The following ACTN2 variants were observed in gnomAD, a reference collection of about 807,000 sequenced individuals.
ACTN2 encodes alpha-actinin-2.
ACTN2 carries 39 observed loss-of-function variants against 113.8 expected under a neutral mutation model. That is an observed-to-expected ratio of 0.34 (90% confidence interval 0.27 to 0.45). The LOEUF (loss-of-function observed/expected upper bound fraction) is 0.45. Among genes scored for constraint, ACTN2 ranks in the 20% least tolerant of loss-of-function variants. The pLI is 1.00. For missense variants in ACTN2, 992 were observed against 1,177.9 expected, an observed-to-expected ratio of 0.84 and a Z score of 2.31; for synonymous variants, 429 against 444.1, an observed-to-expected ratio of 0.97 and a Z score of 0.43.
chr1:236,715,594 A>C (rs1273345153), intron 1 of ACTN2, among the ~76,000 whole-genome samples: 1 of 152,084 alleles, frequency 6.6e-6, no homozygotes, highest in East Asian at 1.9e-4. Flanking sequence ...ATTTTATTTT[A>C]ATTAGTCTAA....
At chr1:236,744,379 A>T (rs1659161456) in intron 11 of ACTN2, among the ~76,000 whole-genome samples, 1 of 152,182 alleles carries the variant, frequency 6.6e-6, no homozygotes, top group African/African-American at 2.4e-5. Flanking sequence ...CTAAAAACGC[A>T]CTCAGCATGC....
chr1:236,731,118 G>A, intron 6 of ACTN2, 115 bp from the exon 7 acceptor site: 2 of 747,288 alleles, frequency 2.7e-6, no homozygotes, highest in Admixed American at 3.8e-5. Flanking sequence ...ACACTATTAT[G>A]ATTGTGTGTG....
chr1:236,693,605 C>T (rs2102860247), intron 1 of ACTN2, among the ~76,000 whole-genome samples: 1 of 152,298 alleles, frequency 6.6e-6, no homozygotes, highest in South Asian at 2.1e-4. Flanking sequence ...TCTCCCACAC[C>T]ACGGCCGTTG....
chr1:236,702,278 C>T (rs1178778698), intron 1 of ACTN2, among the ~76,000 whole-genome samples: 1 of 152,092 alleles, frequency 6.6e-6, no homozygotes, highest in African/African-American at 2.4e-5. Context: ...GACATCATTA[C>T]AGACAACTAG....
intron 8 of ACTN2, 77 bp from the exon 9 acceptor site, chr1:236,737,045 A>T: frequency 7.9e-7 from 1 of 1,272,644 alleles, no homozygotes; most frequent in Non-Finnish European, 1.1e-6. Context: ...GTCCCCTCTC[A>T]TCACCCACCT....
At chr1:236,710,692 T>A (rs1404459489) in intron 1 of ACTN2, among the ~76,000 whole-genome samples, 1 of 152,204 alleles carries the variant, frequency 6.6e-6, no homozygotes, top group Non-Finnish European at 1.5e-5. Context: ...GATGACCAAG[T>A]GAGCAGAAGC....
chr1:236,729,529 C>T (rs759415084), intron 6 of ACTN2, among the ~76,000 whole-genome samples: 1 of 152,078 alleles, frequency 6.6e-6, no homozygotes, highest in South Asian at 2.1e-4. Context: ...CATGGATGGT[C>T]GTAAGAAGAG....
At chr1:236,710,763 CAG>C (rs1438554026) in intron 1 of ACTN2, among the ~76,000 whole-genome samples, 2 of 152,222 alleles carry the variant, frequency 1.3e-5, no homozygotes, top group Admixed American at 6.5e-5. Context: ...GCGGCAGCAT[CAG>C]ATTCTCATAG....
At chr1:236,693,378 C>A (rs1657352454) in intron 1 of ACTN2, among the ~76,000 whole-genome samples, 1 of 152,124 alleles carries the variant, frequency 6.6e-6, no homozygotes, top group African/African-American at 2.4e-5. Context: ...CCACCATGGC[C>A]CTTAAGGAGC....
intron 8 of ACTN2, 71 bp downstream of exon 8, chr1:236,735,791 G>T: frequency 7.9e-7 from 1 of 1,259,558 alleles, no homozygotes; most frequent in East Asian, 2.4e-5. Flanking sequence ...GCATACTTGA[G>T]TGTGTGTTTG....
At chr1:236,739,555 T>C in intron 10 of ACTN2, 23 bp downstream of exon 10, 2 of 1,612,260 alleles carry the variant, frequency 1.2e-6, no homozygotes, top group Non-Finnish European at 1.7e-6. Context: ...CGCCAAGCCC[T>C]CCTGGCGCCA....
intron 14 of ACTN2, among the ~76,000 whole-genome samples, chr1:236,749,624 C>G (rs754591175): frequency 5.3e-5 from 8 of 152,034 alleles, no homozygotes; most frequent in Non-Finnish European, 1.2e-4. Flanking sequence ...TGGCAAAACC[C>G]CGTCTCTACA....
At chr1:236,705,105 G>A (rs1657786492) in intron 1 of ACTN2, among the ~76,000 whole-genome samples, 4 of 152,164 alleles carry the variant, frequency 2.6e-5, no homozygotes, top group Non-Finnish European at 4.4e-5. Context: ...CCTGAGGCCT[G>A]AGCCACCCTA....
At chr1:236,711,853 A>G (rs560259402) in intron 1 of ACTN2, among the ~76,000 whole-genome samples, 11 of 152,330 alleles carry the variant, frequency 7.2e-5, no homozygotes, top group African/African-American at 2.4e-4. Context: ...GTTGAAAACA[A>G]GAGAGGAGGT....
rs1358860702 is a variant in ACTN2, at chr1:236,704,734, C to A, written c.127-13124C>A. Among the ~76,000 whole-genome samples the A allele has an allele frequency of 3.9e-5, 6 of 152,198 alleles. No homozygotes were observed. In the East Asian group the frequency reaches 9.6e-4, roughly 24 times the overall value. On this transcript the variant is annotated intron_variant, in intron 1 of 20. Transcript: ENST00000366578. ...TCCCCAGCAGGTCGCCCTCCAGGAACCTCCACGTGTTCAGTTAACCTGGAA... is the reference window on the plus strand; with the variant it reads ...TCCCCAGCAGGTCGCCCTCCAGGAAACTCCACGTGTTCAGTTAACCTGGAA...
chr1:236,739,693 C>A (rs922862056), intron 10 of ACTN2, among the ~76,000 whole-genome samples, 161 bp downstream of exon 10: 21 of 152,218 alleles, frequency 1.4e-4, no homozygotes, highest in African/African-American at 4.8e-4. Context: ...ATACTTTTCT[C>A]CCAACCATCA....
At chr1:236,695,568 C>CA (rs1270303773) in intron 1 of ACTN2, among the ~76,000 whole-genome samples, 1 of 104,510 alleles carries the variant, frequency 9.6e-6, no homozygotes, top group Non-Finnish European at 1.8e-5. Flanking sequence ...TGAGTTCCCC[C>CA]CCCCTGCCCA....
At chr1:236,760,457 T>G (rs1659673436) in intron 19 of ACTN2, among the ~76,000 whole-genome samples, 1 of 152,222 alleles carries the variant, frequency 6.6e-6, no homozygotes, top group African/African-American at 2.4e-5. Flanking sequence ...TGCTTTTTCC[T>G]CTAATATGCT....
intron 1 of ACTN2, among the ~76,000 whole-genome samples, chr1:236,716,333 A>G (rs1186504747): frequency 1.3e-5 from 2 of 152,162 alleles, no homozygotes; most frequent in African/African-American, 4.8e-5. Flanking sequence ...TGTGCCAGGC[A>G]CTTTGTTCTC....
Sources: allele counts gnomAD v4.1 joint callset (sites outside exome capture counted in the v4.1 genomes callset), GRCh38; gene constraint gnomAD v4.1.1; transcripts MANE v1.5; gene names NCBI Gene and HGNC (gene_info 2026-07-23, HGNC 2026-07-21).